SLBP: variants seen among roughly 807,000 people sequenced by gnomAD.
SLBP encodes histone RNA hairpin-binding protein.
SLBP carries 29 observed loss-of-function variants against 39.2 expected under a neutral mutation model. The observed-to-expected ratio is 0.74, with a 90% CI of 0.55 to 1.01. The LOEUF (loss-of-function observed/expected upper bound fraction) is 1.01. Ranked by LOEUF, SLBP falls within the 50% of genes least tolerant of loss-of-function variation. The pLI is 0.00. For synonymous variants in SLBP, 129 were observed against 118.7 expected (o/e 1.09, Z -0.57); for missense variants, 390 against 350.2 (o/e 1.11, Z -0.91).
intron 2 of SLBP, among the ~76,000 whole-genome samples, chr4:1,710,425 C>T (rs1472448878): frequency 2.6e-5 from 4 of 152,188 alleles, no homozygotes; most frequent in Non-Finnish European, 5.9e-5. Context: ...TGCCTCTTTC[C>T]TGTGTAAACC....
intron 5 of SLBP, among the ~76,000 whole-genome samples, chr4:1,697,402 G>C (rs977969989): frequency 3.3e-5 from 5 of 152,000 alleles, no homozygotes; most frequent in Admixed American, 1.3e-4. Context: ...CCATGAGGCG[G>C]AGGTTGCAGT....
chr4:1,705,455 T>C (rs2108662806), intron 2 of SLBP, among the ~76,000 whole-genome samples: 1 of 152,348 alleles, frequency 6.6e-6, no homozygotes, highest in East Asian at 1.9e-4. Context: ...ATCATGGATG[T>C]AGCACACACC....
chr4:1,701,137 C>CTTTTTT, intron 3 of SLBP, among the ~76,000 whole-genome samples: 1 of 120,624 alleles, frequency 8.3e-6, no homozygotes, highest in South Asian at 3.2e-4. Flanking sequence ...AATCCATTTT[C>CTTTTTT]TTTTTTTTCT....
rs1715989429 is a variant in SLBP, at chr4:1,693,398, A to C, written c.*199T>G. ...TTTCTTGGACTTAGCTCCATTTACA[A>C]TTTAAAACATGCAAAATATACTCAC... is the stretch of plus-strand genomic sequence containing the variant. On this transcript the variant is annotated 3_prime_UTR_variant, in exon 8 of 8. Coordinates refer to ENST00000489418, the MANE Select transcript of SLBP (RefSeq NM_006527.4). 1 of 517,116 alleles carries C rather than the reference A, an allele frequency of 1.9e-6. No homozygotes were observed. Among genetic ancestry groups the C allele is most frequent in the Admixed American group, 3.5e-5 (1 of 28,350 alleles). The allele number at this position is 517,116 out of a possible 1,614,324, so 32.0% of individuals were successfully genotyped here.
chr4:1,698,473 T>TAA (rs552892557), intron 5 of SLBP, among the ~76,000 whole-genome samples: 69 of 124,694 alleles, frequency 5.5e-4, no homozygotes, highest in African/African-American at 1.5e-3. Context: ...TCCAAAAAAG[T>TAA]AAAAAAAAAA....
rs1307886229 is a variant in SLBP at position 1,700,054 on chromosome 4, G to C, written c.298C>G (p.Leu100Val). Reference protein sequence around the residue: ...KEMARYKRKLLINDFGRERKS... With the variant: ...KEMARYKRKLVINDFGRERKS... ...CTCTCTCTTCCAAAGTCATTGATGA[G>C]GAGTTTCCTTTTATATCTGAGGGCA... The change falls in exon 4 of 8, where the codon CTC becomes GTC. Residue 100 changes from leucine to valine, a missense_variant. Physicochemically the swap from Leu to Val is conservative, Grantham distance 32. Coordinates refer to ENST00000489418, the MANE Select transcript of SLBP (RefSeq NM_006527.4). 12 of 1,599,714 alleles carry C rather than the reference G, an allele frequency of 7.5e-6. No homozygotes were observed. The highest frequency in any genetic ancestry group is 1.0e-5 in the Non-Finnish European group (12 of 1,169,968).
chr4:1,700,063 T>G lies in SLBP; in HGVS notation c.289A>C (p.Arg97=). ...CCAAAGTCATTGATGAGGAGTTTCC[T>G]TTTATATCTGAGGGCAAAATAAATA... ...RVNKEMARYK[R]KLLINDFGRE... is the part of the protein sequence containing the mutation. Residue 97 remains arginine (R), a synonymous_variant, in exon 4 of 8, where the codon AGG becomes CGG. Transcript: ENST00000489418. 6.3e-7 allele frequency: 1 copy of G among 1,595,380 alleles called. No individual in the cohort carries two copies.
At chr4:1,695,305 A>G (rs1716066071) in intron 6 of SLBP, among the ~76,000 whole-genome samples, 1 of 152,212 alleles carries the variant, frequency 6.6e-6, no homozygotes, top group Non-Finnish European at 1.5e-5. Context: ...AAAATTTCCC[A>G]GCACAGAGGA....
At chr4:1,696,083 C>T in intron 6 of SLBP, 119 bp downstream of exon 6, 2 of 787,842 alleles carry the variant, frequency 2.5e-6, no homozygotes, top group Non-Finnish European at 1.9e-6. Flanking sequence ...AGCAGCTGCT[C>T]TGCTCCCCAA....
intron 5 of SLBP, among the ~76,000 whole-genome samples, chr4:1,698,343 A>G (rs1716197748): frequency 6.6e-6 from 1 of 151,714 alleles, no homozygotes. Context: ...CAAAAAAATG[A>G]ATACACAGTG....
At chr4:1,695,649 C>T (rs967188715) in intron 6 of SLBP, among the ~76,000 whole-genome samples, 14 of 151,970 alleles carry the variant, frequency 9.2e-5, no homozygotes, top group African/African-American at 1.5e-4. Flanking sequence ...GGCGTGGTGG[C>T]GCGTGCCTGT....
intron 2 of SLBP, among the ~76,000 whole-genome samples, chr4:1,711,186 A>G (rs1716754113): frequency 6.7e-6 from 1 of 150,064 alleles, no homozygotes; most frequent in South Asian, 2.1e-4. Flanking sequence ...TCCCATCCCC[A>G]ACCCATCAGC....
At chr4:1,701,933 C>T (rs1345884323) in intron 3 of SLBP, among the ~76,000 whole-genome samples, 2 of 152,012 alleles carry the variant, frequency 1.3e-5, no homozygotes, top group Non-Finnish European at 1.5e-5. Context: ...AAATAAAAGC[C>T]GTAGCTTTCC....
At position 1,693,386 on chromosome 4, in the gene SLBP, G is replaced by C; in HGVS notation, c.*211C>G. 2 of 488,624 alleles carry C rather than the reference G, an allele frequency of 4.1e-6. No individual in the cohort carries two copies. Among genetic ancestry groups the C allele is most frequent in the Non-Finnish European group, 7.4e-6 (2 of 270,714 alleles). 30.3% of individuals were successfully genotyped at this position (488,624 alleles called of 1,614,324 possible). On this transcript the variant is annotated 3_prime_UTR_variant, in exon 8 of 8. Transcript: ENST00000489418. ...AGCTTCAAGTACTTTCTTGGACTTA[G>C]CTCCATTTACAATTTAAAACATGCA...
At chr4:1,702,107 C>T (rs1716350584) in intron 3 of SLBP, among the ~76,000 whole-genome samples, 2 of 152,196 alleles carry the variant, frequency 1.3e-5, no homozygotes, top group African/African-American at 4.8e-5. Context: ...CAGATAACCC[C>T]TGGCAAGGGG....
Position 1,700,073 on chromosome 4 carries a change from G to C in SLBP, c.282-3C>G. ...TGATGAGGAGTTTCCTTTTATATCT[G>C]AGGGCAAAATAAATATTGCTGTTTT... On this transcript the variant is annotated splice_region_variant and splice_polypyrimidine_tract_variant and intron_variant, in intron 3 of 7. Coordinates refer to ENST00000489418, the MANE Select transcript of SLBP (RefSeq NM_006527.4). 1 of 1,583,442 alleles carries C rather than the reference G, an allele frequency of 6.3e-7. No individual in the cohort carries two copies. The highest frequency in any genetic ancestry group is 8.6e-7 in the Non-Finnish European group (1 of 1,157,096).
chr4:1,694,068 C>T (rs1264722235), intron 7 of SLBP, among the ~76,000 whole-genome samples: 1 of 152,188 alleles, frequency 6.6e-6, no homozygotes, highest in African/African-American at 2.4e-5. Flanking sequence ...AGTATTTAAA[C>T]TGATACATTT....
intron 7 of SLBP, among the ~76,000 whole-genome samples, chr4:1,693,958 C>G (rs1452626501): frequency 1.3e-5 from 2 of 152,240 alleles, no homozygotes; most frequent in South Asian, 4.2e-4. Context: ...GAAGGAGTCA[C>G]TAGTCACTGT....
In SLBP at chr4:1,712,003, A is replaced by G. The variant is rs924752046; in HGVS notation, c.60-13T>C. 16 of 1,285,450 alleles carry G rather than the reference A, an allele frequency of 1.2e-5. No individual in the cohort carries two copies. The highest frequency in any genetic ancestry group is 1.6e-5 in the African/African-American group (1 of 64,388). 79.6% of individuals were successfully genotyped at this position (1,285,450 alleles called of 1,614,324 possible). A position where few individuals can be genotyped will look rare whatever the true frequency, so the allele number is the denominator to read the frequency against. ...GGGGGACGGCGGGCTGCGGGGAGGGACGCGGTCGGCTGGGCACGGGAGGTT... is the reference window on the plus strand; with the variant it reads ...GGGGGACGGCGGGCTGCGGGGAGGGGCGCGGTCGGCTGGGCACGGGAGGTT... On this transcript the variant is annotated splice_polypyrimidine_tract_variant and intron_variant, in intron 1 of 7. Transcript: ENST00000489418.
Sources: gnomAD v4.1 joint callset for allele counts (sites outside exome capture counted in the v4.1 genomes callset) on GRCh38, gnomAD v4.1.1 for gene constraint, MANE v1.5 for transcripts, NCBI Gene and HGNC (gene_info 2026-07-23, HGNC 2026-07-21) for gene names.